Variants in SOBP observed in about 807,000 individuals in gnomAD.
The protein encoded by SOBP is sine oculis binding protein homolog, also known as sine oculis-binding protein homolog.
A neutral mutation model predicts 53.6 loss-of-function variants in SOBP; 4 were observed. The ratio of observed to expected loss-of-function variants is 0.07; its 90% CI spans 0.04 to 0.17. The LOEUF (loss-of-function observed/expected upper bound fraction) is 0.17. Ranked by LOEUF, SOBP falls within the 10% of genes least tolerant of loss-of-function variation. SOBP has a pLI of 1.00. For missense variants in SOBP, 1,088 were observed against 1,204.7 expected (o/e 0.90, Z 1.43); for synonymous variants, 584 against 522.6 (o/e 1.12, Z -1.60).
intron 5 of SOBP, among the ~76,000 whole-genome samples, chr6:107,631,026 A>G (rs1400105488): frequency 6.6e-6 from 1 of 152,200 alleles, no homozygotes; most frequent in African/African-American, 2.4e-5. Flanking sequence ...TCATCATTGG[A>G]TTACTGAAAG....
At chr6:107,521,960 AAACT>A (rs1181936920) in intron 3 of SOBP, among the ~76,000 whole-genome samples, 28 of 130,808 alleles carry the variant, frequency 2.1e-4, no homozygotes, top group South Asian at 7.5e-4. Context: ...ACACACACAC[AAACT>A]CAATCAAGTC....
intron 4 of SOBP, among the ~76,000 whole-genome samples, chr6:107,544,557 C>G (rs1465997337): frequency 1.3e-5 from 2 of 152,168 alleles, no homozygotes; most frequent in Non-Finnish European, 2.9e-5. Context: ...GATCTTGAAG[C>G]TTCCCTGAGT....
At chr6:107,518,602 G>A (rs753516913) in intron 3 of SOBP, among the ~76,000 whole-genome samples, 3 of 152,114 alleles carry the variant, frequency 2.0e-5, no homozygotes, top group Non-Finnish European at 4.4e-5. Flanking sequence ...ATTCATAATA[G>A]CTAAAAACTG....
intron 6 of SOBP, among the ~76,000 whole-genome samples, chr6:107,636,868 T>C (rs74892395): frequency 0.092 from 13,941 of 152,270 alleles, 900 homozygotes; most frequent in Admixed American, 0.18. Flanking sequence ...AATTATCGTC[T>C]TCATTTTATT....
At position 107,629,827 on chromosome 6, in the gene SOBP, CTGT is replaced by C. The variant is rs537254895; in HGVS notation, c.670-3682_670-3680del. Among the ~76,000 whole-genome samples, 25 of 152,292 alleles carry C rather than the reference CTGT, an allele frequency of 1.6e-4. No individual in the cohort carries two copies. In the East Asian group the frequency reaches 3.5e-3, roughly 21 times the overall value. ...AAATGGACTAAAGGAAATGTTCATT[CTGT>C]TGTTTAGAGTTGGACCCATCCCAGG... is the stretch of plus-strand genomic sequence containing the variant. On this transcript the variant is annotated intron_variant, in intron 5 of 6. Transcript: ENST00000317357.
At chr6:107,503,827 AAAG>A in intron 2 of SOBP, 32 bp downstream of exon 2, 1 of 1,612,236 alleles carries the variant, frequency 6.2e-7, no homozygotes, top group Non-Finnish European at 8.5e-7. Context: ...TTGTTCATGC[AAAG>A]AAGGATTAAC....
chr6:107,562,117 G>A (rs569311485), intron 4 of SOBP, among the ~76,000 whole-genome samples: 88 of 147,482 alleles, frequency 6.0e-4, no homozygotes, highest in Non-Finnish European at 8.6e-4. Flanking sequence ...TGCAACCTCC[G>A]CTTCCCGGGT....
intron 5 of SOBP, among the ~76,000 whole-genome samples, chr6:107,601,234 T>C (rs1786169504): frequency 1.3e-5 from 2 of 152,200 alleles, no homozygotes; most frequent in Non-Finnish European, 2.9e-5. Flanking sequence ...AAGCAGAAGC[T>C]GTGGCAGCCA....
At chr6:107,562,511 T>C (rs995866075) in intron 4 of SOBP, among the ~76,000 whole-genome samples, 1 of 152,250 alleles carries the variant, frequency 6.6e-6, no homozygotes, top group African/African-American at 2.4e-5. Flanking sequence ...CATAATCACT[T>C]GTCTTCCTCA....
chr6:107,499,880 A>G (rs1480080958), intron 1 of SOBP, among the ~76,000 whole-genome samples: 1 of 152,152 alleles, frequency 6.6e-6, no homozygotes. Context: ...ATCTGTCTGC[A>G]TTTTAACTAC....
chr6:107,588,988 G>A (rs1266856804), intron 5 of SOBP, among the ~76,000 whole-genome samples: 2 of 152,194 alleles, frequency 1.3e-5, no homozygotes, highest in African/African-American at 4.8e-5. Flanking sequence ...TAAGAAAAGT[G>A]ATGGTGTTTG....
chr6:107,587,741 A>G (rs1052032429), intron 5 of SOBP, among the ~76,000 whole-genome samples: 1 of 152,198 alleles, frequency 6.6e-6, no homozygotes, highest in African/African-American at 2.4e-5. Context: ...CAGCTGTGAC[A>G]TTGAGACTCT....
chr6:107,557,311 GA>G (rs1784641331), intron 4 of SOBP, among the ~76,000 whole-genome samples: 1 of 152,156 alleles, frequency 6.6e-6, no homozygotes, highest in African/African-American at 2.4e-5. Context: ...GAAGTGATTT[GA>G]AAAGCAAAGA....
At chr6:107,528,432 G>A (rs1238064142) in intron 3 of SOBP, among the ~76,000 whole-genome samples, 1 of 152,158 alleles carries the variant, frequency 6.6e-6, no homozygotes, top group African/African-American at 2.4e-5. Context: ...AGTATTGCTT[G>A]CCTGTGGGTA....
intron 5 of SOBP, among the ~76,000 whole-genome samples, chr6:107,632,350 A>T (rs1173537676): frequency 2.0e-5 from 3 of 150,972 alleles, no homozygotes; most frequent in Non-Finnish European, 4.4e-5. Context: ...GGAAAAAAAG[A>T]AAAAAGATTG....
At chr6:107,655,223 CT>C (rs1771980731) in intron 6 of SOBP, among the ~76,000 whole-genome samples, 1 of 152,074 alleles carries the variant, frequency 6.6e-6, no homozygotes, top group Non-Finnish European at 1.5e-5. Flanking sequence ...AAAATCCAAA[CT>C]TATTTCCTCC....
At chr6:107,604,922 A>T (rs931673092) in intron 5 of SOBP, among the ~76,000 whole-genome samples, 1 of 152,198 alleles carries the variant, frequency 6.6e-6, no homozygotes, top group Admixed American at 6.5e-5. Flanking sequence ...ACTGTGAAAA[A>T]TTTAAAATTA....
At chr6:107,640,362 A>G (rs1450829698) in intron 6 of SOBP, among the ~76,000 whole-genome samples, 1 of 152,230 alleles carries the variant, frequency 6.6e-6, no homozygotes, top group Non-Finnish European at 1.5e-5. Context: ...GACTTGTGCT[A>G]TCTAATGGTC....
chr6:107,514,903 A>G (rs1443719698), intron 3 of SOBP: 2 of 152,252 alleles, frequency 1.3e-5, no homozygotes, highest in African/African-American at 4.8e-5. Flanking sequence ...TAGTTATAAC[A>G]GCCAGAAGTC....
Sources: gnomAD v4.1 joint callset for allele counts (sites outside exome capture counted in the v4.1 genomes callset) on GRCh38, gnomAD v4.1.1 for gene constraint, MANE v1.5 for transcripts, NCBI Gene and HGNC (gene_info 2026-07-23, HGNC 2026-07-21) for gene names.